ARHGEF3: variants seen among roughly 807,000 people sequenced by gnomAD.
ARHGEF3 encodes Rho guanine nucleotide exchange factor 3.
Under a neutral mutation model 63.2 loss-of-function variants are expected in ARHGEF3, and 28 were observed. The ratio of observed to expected loss-of-function variants is 0.44; its 90% CI spans 0.33 to 0.61. The LOEUF (loss-of-function observed/expected upper bound fraction) is 0.61. Among genes scored for constraint, ARHGEF3 ranks in the 20% least tolerant of loss-of-function variants. The pLI, the probability that ARHGEF3 is intolerant of heterozygous loss-of-function variation, is 0.03. For missense variants in ARHGEF3, 533 were observed against 659.3 expected (o/e 0.81, Z 2.10); for synonymous variants, 266 against 254.2 (o/e 1.05, Z -0.44).
intron 3 of ARHGEF3, among the ~76,000 whole-genome samples, chr3:56,922,594 T>TA (rs2042173003): frequency 6.6e-6 from 1 of 152,216 alleles, no homozygotes; most frequent in Non-Finnish European, 1.5e-5. Context: ...ATTTCCAAGT[T>TA]AAAAATATAT....
intron 2 of ARHGEF3, among the ~76,000 whole-genome samples, chr3:57,010,084 A>G (rs1444919701): frequency 6.6e-6 from 1 of 152,164 alleles, no homozygotes; most frequent in Non-Finnish European, 1.5e-5. Flanking sequence ...TTTAACATGC[A>G]GGCGCCACAG....
chr3:56,809,961 G>A (rs1382386433), intron 4 of ARHGEF3, among the ~76,000 whole-genome samples: 1 of 151,994 alleles, frequency 6.6e-6, no homozygotes, highest in Non-Finnish European at 1.5e-5. Flanking sequence ...TCGAACTCCT[G>A]GCCTCATGTC....
intron 4 of ARHGEF3, among the ~76,000 whole-genome samples, chr3:56,821,237 T>A (rs572758937): frequency 2.8e-4 from 42 of 152,178 alleles, no homozygotes; most frequent in African/African-American, 8.7e-4. Context: ...AGTAAAGTGA[T>A]ATATGGCCAA....
chr3:56,916,559 T>A, intron 3 of ARHGEF3: 1 of 1,235,356 alleles, frequency 8.1e-7, no homozygotes, highest in Non-Finnish European at 1.0e-6. Context: ...CTGCTACTGC[T>A]GCTTTTGCAG....
chr3:56,729,518 G>T lies in ARHGEF3; in HGVS notation c.1333C>A (p.Arg445Ser). ...FNKQQWLNCIRQAKETVLCAA... is the reference protein window; with the variant it reads ...FNKQQWLNCISQAKETVLCAA... ...CACAAAACTGTTTCTTTGGCTTGAC[G>T]AATACAGTTAAGCCACTGCTGTTTG... The change falls in exon 10 of 10, where the codon CGT (arginine) becomes AGT (serine). Residue 445 changes from arginine (R) to serine (S), a missense_variant. This residue lies in a region of ARHGEF3 where 151 missense variants were observed against 190.7 expected (regional missense o/e 0.79). Coordinates refer to ENST00000296315, the MANE Select transcript of ARHGEF3 (RefSeq NM_019555.3). 6.2e-7 allele frequency: 1 copy of T among 1,614,170 alleles called. No homozygotes were observed.
At chr3:56,835,649 G>A (rs150032393) in intron 4 of ARHGEF3, among the ~76,000 whole-genome samples, 14 of 152,274 alleles carry the variant, frequency 9.2e-5, no homozygotes, top group Middle Eastern at 3.4e-3. Context: ...TCTAAGCCAC[G>A]TGGAAGGACT....
intron 2 of ARHGEF3, among the ~76,000 whole-genome samples, chr3:56,757,908 A>G (rs62252666): frequency 1 from 151,397 of 151,398 alleles, 75,698 homozygotes; most frequent in Middle Eastern, 1. Flanking sequence ...ATTTTTAGAA[A>G]AGACGGGGTT....
In ARHGEF3 at chr3:56,871,789, A is replaced by G. The variant is rs148028484; in HGVS notation, c.192+10503T>C. On this transcript the variant is annotated intron_variant, in intron 4 of 12. Coordinates refer to the ARHGEF3 transcript ENST00000338458. ...TCTCAGACCCTCAAGAGTTCACTGAATAAAATTCAGGGCATCTTCAAGCTT... is the reference window on the plus strand; with the variant it reads ...TCTCAGACCCTCAAGAGTTCACTGAGTAAAATTCAGGGCATCTTCAAGCTT... Among the ~76,000 whole-genome samples, 77 of 152,298 alleles carry G rather than the reference A, an allele frequency of 5.1e-4. No homozygotes were observed. The East Asian group carries it at 0.014, about 28-fold the overall frequency.
chr3:56,772,704 G>A (rs1254980520), intron 2 of ARHGEF3, among the ~76,000 whole-genome samples: 1 of 152,158 alleles, frequency 6.6e-6, no homozygotes, highest in Non-Finnish European at 1.5e-5. Context: ...AACTATCATA[G>A]TAGCTAATAT....
intron 3 of ARHGEF3, among the ~76,000 whole-genome samples, chr3:56,886,929 C>G (rs2040945067): frequency 6.6e-6 from 1 of 152,124 alleles, no homozygotes; most frequent in Non-Finnish European, 1.5e-5. Context: ...CTGTCCCGTC[C>G]CAGAGTCTGG....
At chr3:56,737,607 T>G (rs552931851) in intron 7 of ARHGEF3, among the ~76,000 whole-genome samples, 2 of 152,308 alleles carry the variant, frequency 1.3e-5, no homozygotes, top group Admixed American at 1.3e-4. Flanking sequence ...TATATAAAAC[T>G]AATATTGATG....
chr3:56,975,762 T>A, intron 2 of ARHGEF3: 1 of 421,280 alleles, frequency 2.4e-6, no homozygotes, highest in Non-Finnish European at 4.6e-6. Flanking sequence ...AAACACTTAC[T>A]ATGTACCAGG....
intron 3 of ARHGEF3, among the ~76,000 whole-genome samples, chr3:56,909,815 GT>G (rs2041807862): frequency 6.6e-6 from 1 of 152,176 alleles, no homozygotes; most frequent in South Asian, 2.1e-4. Flanking sequence ...TAAGTAAATG[GT>G]GATGATCTTG....
intron 4 of ARHGEF3, among the ~76,000 whole-genome samples, chr3:56,866,955 T>C (rs796201898): frequency 3.0e-4 from 46 of 152,380 alleles, no homozygotes; most frequent in African/African-American, 1.1e-3. Context: ...AAATCATGTG[T>C]ATATTTCACA....
chr3:57,004,327 AT>A (rs1466397283), intron 2 of ARHGEF3, among the ~76,000 whole-genome samples: 1 of 152,224 alleles, frequency 6.6e-6, no homozygotes, highest in Non-Finnish European at 1.5e-5. Flanking sequence ...ACGTGTCCAC[AT>A]TTGCAAGAGA....
At chr3:56,741,496 C>CTTTTTTTT (rs71072191) in intron 7 of ARHGEF3, among the ~76,000 whole-genome samples, 4 of 50,534 alleles carry the variant, frequency 7.9e-5, no homozygotes, top group Non-Finnish European at 1.1e-4. Flanking sequence ...TACATTGGTT[C>CTTTTTTTT]TTTTTTTTTT....
chr3:57,050,911 C>T (rs1009040416), intron 1 of ARHGEF3, among the ~76,000 whole-genome samples: 3 of 152,210 alleles, frequency 2.0e-5, no homozygotes, highest in Admixed American at 1.3e-4. Flanking sequence ...CAGCATCCTT[C>T]CCTATTAGCA....
chr3:56,864,940 C>T (rs538913895), intron 4 of ARHGEF3, among the ~76,000 whole-genome samples: 2 of 152,260 alleles, frequency 1.3e-5, no homozygotes, highest in East Asian at 3.9e-4. Flanking sequence ...AGCCCCCAAA[C>T]TAAACAAAGC....
At chr3:56,968,206 A>T (rs1449604096) in intron 2 of ARHGEF3, among the ~76,000 whole-genome samples, 1 of 19,312 alleles carries the variant, frequency 5.2e-5, no homozygotes, top group African/African-American at 1.1e-4. Context: ...TAATATATAA[A>T]AATATATATT....
Sources: allele counts gnomAD v4.1 joint callset (sites outside exome capture counted in the v4.1 genomes callset), GRCh38; gene constraint gnomAD v4.1.1; regional missense constraint gnomAD v4.1.1; transcripts MANE v1.5; gene names NCBI Gene and HGNC (gene_info 2026-07-23, HGNC 2026-07-21).